CCDC180: variants seen among roughly 807,000 people sequenced by gnomAD.
CCDC180 encodes the protein coiled-coil domain containing 180.
Under a neutral mutation model 209.2 loss-of-function variants are expected in CCDC180, and 154 were observed. The observed-to-expected ratio is 0.74, with a 90% CI of 0.65 to 0.84. CCDC180 has a LOEUF of 0.84. CCDC180 is among the 40% of genes least tolerant of loss of function. The pLI, the probability that CCDC180 is intolerant of heterozygous loss-of-function variation, is 0.00. For synonymous variants in CCDC180, 778 were observed against 749.1 expected, an observed-to-expected ratio of 1.04 and a Z score of -0.63; for missense variants, 1,874 against 1,997.3, an observed-to-expected ratio of 0.94 and a Z score of 1.18.
chr9:97,308,205 A>G (rs1334184062), intron 2 of CCDC180, 73 bp downstream of exon 2: 6 of 1,371,870 alleles, frequency 4.4e-6, no homozygotes, highest in Non-Finnish European at 4.8e-6. Flanking sequence ...CCTCCCTCCC[A>G]GGGCTTCCCT....
chr9:97,308,062 A>C lies in CCDC180; in HGVS notation c.-2A>C. 14 of 1,613,702 alleles carry C rather than the reference A, an allele frequency of 8.7e-6. No individual in the cohort carries two copies. The highest frequency in any genetic ancestry group is 1.2e-5 in the Non-Finnish European group (14 of 1,179,824). On this transcript the variant is annotated 5_prime_UTR_variant, in exon 2 of 37. Coordinates refer to ENST00000529487, the MANE Select transcript of CCDC180 (RefSeq NM_020893.6). ...GGCAGGGGCATCCAGCCAGCGGCCA[A>C]GATGTCGTCAGTGGGGAAGGTGACC...
chr9:97,336,130 C>A (rs905381327), intron 18 of CCDC180, among the ~76,000 whole-genome samples: 15 of 150,990 alleles, frequency 9.9e-5, no homozygotes, highest in Non-Finnish European at 1.9e-4. Context: ...CTGTAGGTTG[C>A]CTGTTTCTTT....
At chr9:97,311,242 C>A (rs1327785983) in intron 3 of CCDC180, among the ~76,000 whole-genome samples, 1 of 152,200 alleles carries the variant, frequency 6.6e-6, no homozygotes, top group Non-Finnish European at 1.5e-5. Context: ...GTGTCATCAT[C>A]TCAGCTCCTA....
chr9:97,339,874 T>A (rs1428064623), intron 18 of CCDC180, among the ~76,000 whole-genome samples: 1 of 152,202 alleles, frequency 6.6e-6, no homozygotes, highest in Non-Finnish European at 1.5e-5. Context: ...CTCTTTTTTC[T>A]CTAAACTTCT....
chr9:97,321,606 A>G (rs1833361276), intron 11 of CCDC180, among the ~76,000 whole-genome samples: 1 of 152,198 alleles, frequency 6.6e-6, no homozygotes, highest in Non-Finnish European at 1.5e-5. Context: ...GCTGCCATTC[A>G]TTCAGTGCCT....
chr9:97,362,521 C>T, intron 28 of CCDC180, 80 bp downstream of exon 28: 1 of 1,545,542 alleles, frequency 6.5e-7, no homozygotes, highest in Non-Finnish European at 8.7e-7. Context: ...ATGGCTTTCC[C>T]AGGCTTTTCC....
In CCDC180 at chr9:97,370,088, G is replaced by A. The variant is rs780682204; in HGVS notation, c.4350+6G>A. 4 of 1,613,208 alleles carry A rather than the reference G, an allele frequency of 2.5e-6. No homozygotes were observed. Among genetic ancestry groups the A allele is most frequent in the African/African-American group, 1.3e-5 (1 of 74,900 alleles). ...AGCGGCTGGAGAAAAGAAAGGTGAGGGCCCCAGGACCAGCCCTTCCACTCT... is the reference window on the plus strand; with the variant it reads ...AGCGGCTGGAGAAAAGAAAGGTGAGAGCCCCAGGACCAGCCCTTCCACTCT... On this transcript the variant is annotated splice_donor_region_variant and intron_variant, in intron 32 of 36. Transcript: ENST00000529487.
intron 13 of CCDC180, 33 bp downstream of exon 13, chr9:97,323,936 G>C: frequency 6.5e-7 from 1 of 1,548,942 alleles, no homozygotes; most frequent in Non-Finnish European, 8.7e-7. Context: ...CTGGGGAGCT[G>C]AGGTGGGGTT....
At position 97,309,397 on chromosome 9, in the gene CCDC180, G is replaced by A. The variant is rs2118506407; in HGVS notation, c.70-17G>A. Reference sequence around the variant, plus strand: ...AGCTCTGACCACTCCCCCATCCTTGGTCCTCCCTGGATTCAGGTGCAGCTG... The same window carrying A: ...AGCTCTGACCACTCCCCCATCCTTGATCCTCCCTGGATTCAGGTGCAGCTG... On this transcript the variant is annotated splice_polypyrimidine_tract_variant and intron_variant, in intron 2 of 36. Transcript: ENST00000529487. The A allele has an allele frequency of 1.3e-6, 2 of 1,595,944 alleles. No homozygotes were observed. The highest frequency in any genetic ancestry group is 1.7e-6 in the Non-Finnish European group (2 of 1,172,716).
rs1827275485 is a variant in CCDC180, at chr9:97,376,905, C to T, written c.*11C>T. Reference sequence around the variant, plus strand: ...GGCCTGTATGTGTGACCCTCCGCCCCACCATGAATAAACACTTTCTTATAC... The same window carrying T: ...GGCCTGTATGTGTGACCCTCCGCCCTACCATGAATAAACACTTTCTTATAC... On this transcript the variant is annotated 3_prime_UTR_variant, in exon 37 of 37. Coordinates refer to ENST00000529487, the MANE Select transcript of CCDC180 (RefSeq NM_020893.6). 9.3e-6 allele frequency: 15 copies of T among 1,607,250 alleles called. No individual in the cohort carries two copies. Among genetic ancestry groups the T allele is most frequent in the Non-Finnish European group, 1.3e-5 (15 of 1,178,244 alleles).
chr9:97,339,474 T>C, intron 18 of CCDC180, among the ~76,000 whole-genome samples: 1 of 151,926 alleles, frequency 6.6e-6, no homozygotes, highest in East Asian at 1.9e-4. Context: ...TTAAGAATAT[T>C]GAATATTGGC....
chr9:97,350,302 C>T lies in CCDC180; in HGVS notation c.2856-107C>T, dbSNP rs1429666934. 7 of 1,113,420 alleles carry T rather than the reference C, an allele frequency of 6.3e-6. No individual in the cohort carries two copies. The Admixed American group carries it at 6.9e-5, about 11-fold the overall frequency. The allele number at this position is 1,113,420 out of a possible 1,614,324, so 69.0% of individuals were successfully genotyped here. On this transcript the variant is annotated intron_variant, in intron 21 of 36. Coordinates refer to ENST00000529487, the MANE Select transcript of CCDC180 (RefSeq NM_020893.6). ...GTCCCCAGGCTGGTCATTATCGTGA[C>T]CGGCCCCTCCCTTGTCCCTCAGGCT...
intron 19 of CCDC180, among the ~76,000 whole-genome samples, chr9:97,346,073 A>G (rs1434504235): frequency 1.3e-5 from 2 of 152,154 alleles, no homozygotes; most frequent in Admixed American, 6.5e-5. Context: ...GTCAAGATTC[A>G]CTTCTTTCCC....
chr9:97,334,721 A>C (rs1012069490), intron 18 of CCDC180, among the ~76,000 whole-genome samples: 4 of 152,200 alleles, frequency 2.6e-5, no homozygotes, highest in Non-Finnish European at 5.9e-5. Context: ...TATAGTTTAC[A>C]TTATTTATAG....
chr9:97,308,288 C>T (rs528239331), intron 2 of CCDC180, among the ~76,000 whole-genome samples, 156 bp downstream of exon 2: 23 of 152,204 alleles, frequency 1.5e-4, no homozygotes, highest in Admixed American at 1.2e-3. Flanking sequence ...GTTCTTAAAT[C>T]GTACCAATAC....
intron 34 of CCDC180, chr9:97,374,331 G>T: frequency 1.8e-6 from 1 of 549,454 alleles, no homozygotes; most frequent in Non-Finnish European, 3.2e-6. Flanking sequence ...CCACCGCTTA[G>T]ATTCCTCCAT....
Position 97,312,106 on chromosome 9 carries a change from G to A in CCDC180, c.261-7G>A, listed in dbSNP as rs372827695. 18 of 1,613,346 alleles carry A rather than the reference G, an allele frequency of 1.1e-5. No individual in the cohort carries two copies. Among genetic ancestry groups the A allele is most frequent in the Non-Finnish European group, 1.5e-5 (18 of 1,179,452 alleles). ...TGGGACTTCACTCTTCTCTGCTTGT[G>A]TCTCAGGGAAAAGGAAAGAGCCAAG... On this transcript the variant is annotated splice_polypyrimidine_tract_variant and splice_region_variant and intron_variant, in intron 3 of 36. Coordinates refer to ENST00000529487, the MANE Select transcript of CCDC180 (RefSeq NM_020893.6).
chr9:97,312,205 A>T lies in CCDC180; in HGVS notation c.349+4A>T, dbSNP rs770090062. ...CGGGGTCTCATGGATACTATAGGTGAGCCTCCATTCAGCCTCAAGGCAGGC... is the reference window on the plus strand; with the variant it reads ...CGGGGTCTCATGGATACTATAGGTGTGCCTCCATTCAGCCTCAAGGCAGGC... On this transcript the variant is annotated splice_donor_region_variant and intron_variant, in intron 4 of 36. Coordinates refer to ENST00000529487, the MANE Select transcript of CCDC180 (RefSeq NM_020893.6). 3 of 1,613,126 alleles carry T rather than the reference A, an allele frequency of 1.9e-6. No individual in the cohort carries two copies. The highest frequency in any genetic ancestry group is 3.3e-4 in the Middle Eastern group (2 of 6,058).
At chr9:97,375,165 A>T in intron 35 of CCDC180, among the ~76,000 whole-genome samples, 1 of 152,202 alleles carries the variant, frequency 6.6e-6, no homozygotes, top group Non-Finnish European at 1.5e-5. Context: ...CCTGGCTGGC[A>T]GATCAGTGAG....
Sources: allele counts gnomAD v4.1 joint callset (sites outside exome capture counted in the v4.1 genomes callset), GRCh38; gene constraint gnomAD v4.1.1; transcripts MANE v1.5; gene names NCBI Gene and HGNC (gene_info 2026-07-23, HGNC 2026-07-21).